The following DHX35 variants were observed in gnomAD, a reference collection of about 807,000 sequenced individuals.
DHX35 encodes DEAH-box helicase 35.
In DHX35, 84 loss-of-function variants were observed where a neutral mutation model predicts 99.6. The ratio of observed to expected loss-of-function variants is 0.84; its 90% CI spans 0.71 to 1.01. The LOEUF (loss-of-function observed/expected upper bound fraction) is 1.01, where lower values mean the gene tolerates loss of function less well. Ranked by LOEUF, DHX35 falls within the 50% of genes least tolerant of loss-of-function variation. DHX35 has a pLI of 0.00. For synonymous variants in DHX35, 331 were observed against 316.2 expected, an observed-to-expected ratio of 1.05 and a Z score of -0.50; for missense variants, 852 against 888.5, an observed-to-expected ratio of 0.96 and a Z score of 0.52.
At chr20:38,972,535 G>T (rs1412727315) in intron 2 of DHX35, 24 bp from the exon 3 acceptor site, 1 of 1,472,804 alleles carries the variant, frequency 6.8e-7, no homozygotes. Context: ...ATGGCTATTT[G>T]CAAGGTGTGT....
chr20:38,989,203 T>C (rs1027194997), intron 5 of DHX35, among the ~76,000 whole-genome samples: 1 of 150,072 alleles, frequency 6.7e-6, no homozygotes, highest in African/African-American at 2.5e-5. Context: ...GTTCACGCCA[T>C]TCTCCTTCCT....
chr20:38,998,963 AT>A (rs2086473494), intron 8 of DHX35, among the ~76,000 whole-genome samples: 1 of 151,714 alleles, frequency 6.6e-6, no homozygotes, highest in African/African-American at 2.4e-5. Context: ...CGCTCAGCCA[AT>A]TTTTTTGTAT....
At chr20:39,000,246 C>G (rs931813007) in intron 8 of DHX35, among the ~76,000 whole-genome samples, 2 of 152,242 alleles carry the variant, frequency 1.3e-5, no homozygotes, top group Non-Finnish European at 2.9e-5. Flanking sequence ...ACTTTTCCTT[C>G]TATCAGATTG....
In DHX35 at chr20:39,002,850, A is replaced by G. The variant is rs372199003; in HGVS notation, c.834A>G (p.Leu278=). ...IHQTEGDGDV[L]AFLTGQEEVE... ...AGACAGAGGGAGACGGAGACGTTTT[A>G]GCATTTCTTACTGGCCAGGTAATGC... Residue 278 remains leucine (L), a synonymous_variant, in exon 10 of 22, where the codon TTA becomes TTG. Transcript: ENST00000252011. The G allele has an allele frequency of 6.8e-6, 11 of 1,614,200 alleles. No individual in the cohort carries two copies. Among genetic ancestry groups the G allele is most frequent in the Non-Finnish European group, 9.3e-6 (11 of 1,180,010 alleles).
intron 3 of DHX35, among the ~76,000 whole-genome samples, chr20:38,977,329 A>G (rs778791271): frequency 3.3e-5 from 5 of 151,958 alleles, no homozygotes; most frequent in Non-Finnish European, 5.9e-5. Context: ...TTTGATTTGC[A>G]TTTTCCTGAT....
intron 2 of DHX35, among the ~76,000 whole-genome samples, chr20:38,970,577 AT>A (rs1040162213): frequency 8.5e-5 from 13 of 152,328 alleles, no homozygotes; most frequent in African/African-American, 2.6e-4. Flanking sequence ...AAGCTTCACC[AT>A]TTGTGTGCTG....
chr20:39,037,795 G>A (rs2087179624), intron 21 of DHX35, among the ~76,000 whole-genome samples: 1 of 152,148 alleles, frequency 6.6e-6, no homozygotes. Flanking sequence ...CATATTTAAG[G>A]ATTTCTGCCA....
chr20:39,002,687 AGCTTTGC>A, intron 9 of DHX35, 78 bp from the exon 10 acceptor site: 1 of 1,228,254 alleles, frequency 8.1e-7, no homozygotes, highest in Non-Finnish European at 1.2e-6. Context: ...CACTTTGATG[AGCTTTGC>A]TGCCAGATTA....
chr20:39,001,966 C>T, intron 9 of DHX35, 124 bp downstream of exon 9: 4 of 802,704 alleles, frequency 5.0e-6, no homozygotes, highest in South Asian at 3.0e-5. Context: ...TGTCCCTAGT[C>T]ATTGGTCTAG....
chr20:39,015,244 C>T (rs2086766422), intron 14 of DHX35, among the ~76,000 whole-genome samples: 1 of 152,162 alleles, frequency 6.6e-6, no homozygotes, highest in Admixed American at 6.5e-5. Context: ...TCAGATCTTA[C>T]CTCCCCAGAC....
At chr20:38,970,472 A>G (rs2085978036) in intron 2 of DHX35, among the ~76,000 whole-genome samples, 1 of 152,234 alleles carries the variant, frequency 6.6e-6, no homozygotes, top group Admixed American at 6.5e-5. Flanking sequence ...AGGAGATGAA[A>G]TGATAGGTTT....
intron 1 of DHX35, 128 bp downstream of exon 1, chr20:38,962,535 C>G (rs1034262089): frequency 1.6e-6 from 2 of 1,217,502 alleles, no homozygotes; most frequent in African/African-American, 3.1e-5. Context: ...GCTGCCGCCT[C>G]TGTGCGGGGG....
chr20:39,004,718 G>A (rs912198563), intron 11 of DHX35, among the ~76,000 whole-genome samples: 3 of 152,228 alleles, frequency 2.0e-5, no homozygotes, highest in East Asian at 3.8e-4. Flanking sequence ...CAGTCCACCT[G>A]GGCCTGACTC....
At chr20:39,006,527 T>C (rs949847345) in intron 12 of DHX35, among the ~76,000 whole-genome samples, 171 bp downstream of exon 12, 2 of 152,178 alleles carry the variant, frequency 1.3e-5, no homozygotes, top group African/African-American at 2.4e-5. Context: ...ATATGGTGTT[T>C]CTTTGTTACT....
intron 18 of DHX35, among the ~76,000 whole-genome samples, chr20:39,026,200 G>A (rs116006094): frequency 0.01 from 1,543 of 152,284 alleles, 28 homozygotes; most frequent in African/African-American, 0.033. Context: ...AGTGTTCCAT[G>A]TGTTTATTAA....
Position 38,988,786 on chromosome 20 carries a change from T to G in DHX35, c.346-27T>G, listed in dbSNP as rs116807564. 184 of 1,612,930 alleles carry G rather than the reference T, an allele frequency of 1.1e-4. 2 individuals are homozygous for G. The African/African-American group carries it at 2.4e-3, about 21-fold the overall frequency. On this transcript the variant is annotated intron_variant, in intron 4 of 21. Transcript: ENST00000252011. ...CTGTGCAGTAATTTCTATGTCTCTA[T>G]TTTCAGCATGATCTTTCTTCCCAAA...
At chr20:39,001,639 T>C in intron 8 of DHX35, 91 bp from the exon 9 acceptor site, 2 of 980,920 alleles carry the variant, frequency 2.0e-6, no homozygotes, top group Non-Finnish European at 3.1e-6. Context: ...CTCACCTGTC[T>C]TTGGCAAGTT....
intron 3 of DHX35, chr20:38,978,427 T>TG: frequency 1.6e-6 from 1 of 631,790 alleles, no homozygotes; most frequent in Non-Finnish European, 2.9e-6. Flanking sequence ...TTTCATGGGG[T>TG]GGTGGCACGT....
chr20:38,992,244 T>G (rs1401781252), intron 6 of DHX35, 112 bp from the exon 7 acceptor site: 1 of 828,764 alleles, frequency 1.2e-6, no homozygotes, highest in African/African-American at 1.7e-5. Flanking sequence ...GGTTTACTTT[T>G]GATGCAAAGT....
Sources: allele counts gnomAD v4.1 joint callset (sites outside exome capture counted in the v4.1 genomes callset), GRCh38; gene constraint gnomAD v4.1.1; transcripts MANE v1.5; gene names NCBI Gene and HGNC (gene_info 2026-07-23, HGNC 2026-07-21).